The following CACNA2D3 variants were observed in gnomAD, a reference collection of about 807,000 sequenced individuals.
CACNA2D3 encodes the protein calcium voltage-gated channel auxiliary subunit alpha2delta 3.
A neutral mutation model predicts 160.6 loss-of-function variants in CACNA2D3; 60 were observed. The observed-to-expected ratio is 0.37, with a 90% confidence interval of 0.30 to 0.46. The LOEUF (loss-of-function observed/expected upper bound fraction) is 0.46, where lower values mean the gene tolerates loss of function less well. CACNA2D3 is among the 20% of genes least tolerant of loss of function. The probability of loss-of-function intolerance (pLI) is 1.00; values close to 1 mark genes in which losing one functional copy is unlikely to be tolerated. For synonymous variants in CACNA2D3, 558 were observed against 492.9 expected (o/e 1.13, Z -1.75); for missense variants, 1,205 against 1,365.0 (o/e 0.88, Z 1.85).
At chr3:54,619,618 C>G (rs1698936499) in intron 9 of CACNA2D3, among the ~76,000 whole-genome samples, 1 of 152,218 alleles carries the variant, frequency 6.6e-6, no homozygotes. Flanking sequence ...TCTGTACTGT[C>G]TCCCCCAAAT....
intron 27 of CACNA2D3, among the ~76,000 whole-genome samples, chr3:54,920,541 G>A (rs891627871): frequency 1.3e-5 from 2 of 152,174 alleles, no homozygotes; most frequent in Non-Finnish European, 2.9e-5. Flanking sequence ...GAGGCCAGAG[G>A]TTCAGAGCAG....
chr3:54,391,662 C>A (rs1255231984), intron 4 of CACNA2D3, among the ~76,000 whole-genome samples: 2 of 152,124 alleles, frequency 1.3e-5, no homozygotes. Context: ...AGGTGTGCAC[C>A]ATGACACCCA....
intron 5 of CACNA2D3, among the ~76,000 whole-genome samples, chr3:54,539,512 T>C (rs995273416): frequency 3.9e-5 from 6 of 152,186 alleles, no homozygotes; most frequent in African/African-American, 1.4e-4. Flanking sequence ...TTGTGTGGTG[T>C]GTACCCTATT....
At chr3:54,679,157 T>C (rs1399321040) in intron 11 of CACNA2D3, among the ~76,000 whole-genome samples, 1 of 152,160 alleles carries the variant, frequency 6.6e-6, no homozygotes, top group East Asian at 1.9e-4. Context: ...CATTGGTCCT[T>C]TTCCTTAGCC....
At chr3:54,149,254 A>G (rs1700095594) in intron 2 of CACNA2D3, among the ~76,000 whole-genome samples, 1 of 135,046 alleles carries the variant, frequency 7.4e-6, no homozygotes, top group Admixed American at 7.6e-5. Context: ...CACTACAGCA[A>G]GGGGTCCCAT....
chr3:54,999,464 T>A (rs962529404), intron 31 of CACNA2D3, among the ~76,000 whole-genome samples: 10 of 152,252 alleles, frequency 6.6e-5, no homozygotes, highest in Non-Finnish European at 1.2e-4. Context: ...TGAGTCATTT[T>A]GCTTCTCAGA....
At chr3:54,254,590 A>G (rs967282262) in intron 2 of CACNA2D3, among the ~76,000 whole-genome samples, 6 of 152,176 alleles carry the variant, frequency 3.9e-5, no homozygotes, top group African/African-American at 1.4e-4. Context: ...GAAGATGGAG[A>G]TGATAATAAT....
At chr3:54,736,053 ATAT>A in intron 11 of CACNA2D3, among the ~76,000 whole-genome samples, 1 of 24,852 alleles carries the variant, frequency 4.0e-5, no homozygotes, top group Non-Finnish European at 8.6e-5. Context: ...ATACACATAC[ATAT>A]GTATGTATAT....
intron 2 of CACNA2D3, among the ~76,000 whole-genome samples, chr3:54,315,658 C>T (rs1250337842): frequency 6.6e-6 from 1 of 152,196 alleles, no homozygotes; most frequent in Non-Finnish European, 1.5e-5. Context: ...CTGTGTGCCT[C>T]AGCTCTCCAC....
intron 3 of CACNA2D3, among the ~76,000 whole-genome samples, chr3:54,335,331 C>T (rs1014856314): frequency 9.9e-5 from 15 of 152,162 alleles, no homozygotes; most frequent in Admixed American, 6.5e-5. Flanking sequence ...AATGGCTACT[C>T]CATAGGCAGA....
chr3:54,807,440 A>T (rs995308365), intron 13 of CACNA2D3, among the ~76,000 whole-genome samples: 1 of 152,244 alleles, frequency 6.6e-6, no homozygotes, highest in Non-Finnish European at 1.5e-5. Context: ...TGCAGCCAAA[A>T]AACACATGAA....
intron 9 of CACNA2D3, among the ~76,000 whole-genome samples, chr3:54,616,135 T>G (rs1698844171): frequency 6.6e-6 from 1 of 152,058 alleles, no homozygotes; most frequent in African/African-American, 2.4e-5. Flanking sequence ...CAACAAACAT[T>G]TATTATCTCA....
At position 54,303,818 on chromosome 3, in the gene CACNA2D3, G is replaced by GTTTTTTGTTTTTTTT. The variant is rs59534343; in HGVS notation, c.205-16618_205-16617insGTTTTTTTTTTTTTT. Among the ~76,000 whole-genome samples, 20 of 115,004 alleles carry GTTTTTTGTTTTTTTT rather than the reference G, an allele frequency of 1.7e-4. 3 individuals are homozygous for GTTTTTTGTTTTTTTT. Among genetic ancestry groups the GTTTTTTGTTTTTTTT allele is most frequent in the East Asian group, 2.5e-4 (1 of 3,964 alleles). 75.4% of individuals were successfully genotyped at this position (115,004 alleles called of 152,430 possible). A position where few individuals can be genotyped will look rare whatever the true frequency, so the allele number is the denominator to read the frequency against. On this transcript the variant is annotated intron_variant, in intron 2 of 37. Transcript: ENST00000474759. Reference sequence around the variant, plus strand: ...CAGCCTCATCAGTGACTTTTTTTCTGTTTTTTTTTTTTTTTTTTTTCTATT... The same window carrying GTTTTTTGTTTTTTTT: ...CAGCCTCATCAGTGACTTTTTTTCTGTTTTTTGTTTTTTTTTTTTTTTTTTTTTTTTTTTTCTATT...
chr3:54,824,762 C>T (rs959170956), intron 14 of CACNA2D3, among the ~76,000 whole-genome samples: 16 of 152,250 alleles, frequency 1.1e-4, no homozygotes, highest in African/African-American at 2.6e-4. Context: ...GGCCCATCCA[C>T]GCCACATGCT....
chr3:54,245,682 C>T (rs1013479432), intron 2 of CACNA2D3, among the ~76,000 whole-genome samples: 3 of 152,180 alleles, frequency 2.0e-5, no homozygotes, highest in African/African-American at 7.2e-5. Flanking sequence ...TTCAGAAGGC[C>T]TGCCTTTGGG....
At chr3:54,380,341 T>C (rs1480795041) in intron 3 of CACNA2D3, among the ~76,000 whole-genome samples, 1 of 152,214 alleles carries the variant, frequency 6.6e-6, no homozygotes, top group Admixed American at 6.5e-5. Context: ...CTGTAGACTG[T>C]CAGCATGTCA....
At chr3:54,661,259 T>TA (rs1269293538) in intron 11 of CACNA2D3, among the ~76,000 whole-genome samples, 1 of 152,164 alleles carries the variant, frequency 6.6e-6, no homozygotes, top group Non-Finnish European at 1.5e-5. Flanking sequence ...TTTCAACCCT[T>TA]ACTTCTATGA....
At chr3:54,744,433 T>C (rs1488539806) in intron 11 of CACNA2D3, among the ~76,000 whole-genome samples, 2 of 152,190 alleles carry the variant, frequency 1.3e-5, no homozygotes, top group Non-Finnish European at 2.9e-5. Flanking sequence ...ATTGTGAGTG[T>C]ATAGACTTTG....
chr3:54,217,872 C>CAG (rs61014090), intron 2 of CACNA2D3, among the ~76,000 whole-genome samples: 1,682 of 150,422 alleles, frequency 0.011, 25 homozygotes, highest in African/African-American at 0.038. Context: ...CAGAGAGAGA[C>CAG]AGAGAGAGAG....
Sources: allele counts gnomAD v4.1 joint callset (sites outside exome capture counted in the v4.1 genomes callset), GRCh38; gene constraint gnomAD v4.1.1; transcripts MANE v1.5; gene names NCBI Gene and HGNC (gene_info 2026-07-23, HGNC 2026-07-21).